The following ITGA11 variants were observed in gnomAD, a reference collection of about 807,000 sequenced individuals.
ITGA11 encodes the protein integrin alpha-11.
A neutral mutation model predicts 141.9 loss-of-function variants in ITGA11; 97 were observed. The observed-to-expected ratio is 0.68, with a 90% CI of 0.58 to 0.81. The LOEUF (loss-of-function observed/expected upper bound fraction) is 0.81. ITGA11 is among the 30% of genes least tolerant of loss of function. The probability of loss-of-function intolerance (pLI) is 0.00; values close to 1 mark genes in which losing one functional copy is unlikely to be tolerated. For missense variants in ITGA11, 1,387 were observed against 1,559.2 expected, an observed-to-expected ratio of 0.89 and a Z score of 1.86; for synonymous variants, 658 against 624.6, an observed-to-expected ratio of 1.05 and a Z score of -0.80.
At chr15:68,419,365 T>G (rs116445283) in intron 1 of ITGA11, among the ~76,000 whole-genome samples, 2,957 of 152,240 alleles carry the variant, frequency 0.019, 94 homozygotes, top group African/African-American at 0.064. Flanking sequence ...CCATGCAAAG[T>G]GGTGAGCCCC....
intron 2 of ITGA11, among the ~76,000 whole-genome samples, chr15:68,395,818 C>T (rs1232043004): frequency 6.9e-6 from 1 of 144,154 alleles, no homozygotes; most frequent in Non-Finnish European, 1.5e-5. Context: ...ACATGTATAC[C>T]TATATATCAA....
Position 68,303,024 on chromosome 15 carries a change from C to T in ITGA11, c.*35G>A. The stretch of plus-strand genomic sequence containing the variant: ...TCTCAACACTACCTGGACTGGTGTC[C>T]TGGCCCCCATCAACTCAAAGTCTCC... On this transcript the variant is annotated 3_prime_UTR_variant, in exon 30 of 30. Coordinates refer to ENST00000315757, the MANE Select transcript of ITGA11 (RefSeq NM_001004439.2). This position sits in a 1 kb window ranked among gnomAD's most constrained non-coding sequence, Gnocchi z 5.3. 2.6e-6 allele frequency: 4 copies of T among 1,518,836 alleles called. No individual in the cohort carries two copies. Among genetic ancestry groups the T allele is most frequent in the Non-Finnish European group, 3.6e-6 (4 of 1,121,606 alleles). 94.1% of individuals were successfully genotyped at this position (1,518,836 alleles called of 1,614,324 possible). A position where few individuals can be genotyped will look rare whatever the true frequency, so the allele number is the denominator to read the frequency against.
At chr15:68,402,088 G>A (rs566120616) in intron 2 of ITGA11, among the ~76,000 whole-genome samples, 7 of 151,864 alleles carry the variant, frequency 4.6e-5, no homozygotes, top group Non-Finnish European at 1.0e-4. Context: ...GGGTAGACAG[G>A]GGCCAGAGTG....
At position 68,308,955 on chromosome 15, in the gene ITGA11, T is replaced by C. The variant is rs536461238; in HGVS notation, c.3175-1259A>G. 2.5e-3 allele frequency among the ~76,000 whole-genome samples: 384 copies of C among 152,312 alleles called. 1 individual carries two copies. The highest frequency in any genetic ancestry group is 4.0e-3 in the Non-Finnish European group (272 of 68,032). Reference sequence around the variant, plus strand: ...GTTGGCTTAGTTTACATCATTCTGATTGAAAAATTAAAGTTGAGCAAAATT... The same window carrying C: ...GTTGGCTTAGTTTACATCATTCTGACTGAAAAATTAAAGTTGAGCAAAATT... On this transcript the variant is annotated intron_variant, in intron 26 of 29. Coordinates refer to ENST00000315757, the MANE Select transcript of ITGA11 (RefSeq NM_001004439.2). The surrounding 1 kb of genome is among the most constrained non-coding windows in gnomAD (Gnocchi z 5.2).
intron 1 of ITGA11, among the ~76,000 whole-genome samples, chr15:68,409,117 C>G (rs914187576): frequency 1.0e-4 from 15 of 147,462 alleles, no homozygotes; most frequent in African/African-American, 3.6e-4. Context: ...CGCTTTTGCC[C>G]ATGCTGTTCA....
At chr15:68,422,364 G>T (rs549558985) in intron 1 of ITGA11, among the ~76,000 whole-genome samples, 1 of 152,162 alleles carries the variant, frequency 6.6e-6, no homozygotes, top group Admixed American at 6.5e-5. Context: ...ACCGTCCTTG[G>T]TCTCCCAGAC....
chr15:68,366,745 C>T (rs984641208), intron 3 of ITGA11, among the ~76,000 whole-genome samples: 4 of 152,142 alleles, frequency 2.6e-5, no homozygotes, highest in Non-Finnish European at 5.9e-5. Flanking sequence ...GGGTGAGGGT[C>T]CCGGGCCCAG....
intron 26 of ITGA11, among the ~76,000 whole-genome samples, chr15:68,309,782 G>A (rs1893319607): frequency 1.3e-5 from 2 of 151,958 alleles, no homozygotes; most frequent in African/African-American, 4.8e-5. Flanking sequence ...GTAGAGATGA[G>A]GTTTCACTAT....
intron 1 of ITGA11, among the ~76,000 whole-genome samples, chr15:68,406,179 T>G (rs1202569952): frequency 6.6e-6 from 1 of 152,174 alleles, no homozygotes; most frequent in Non-Finnish European, 1.5e-5. Flanking sequence ...CAGTGCTTGT[T>G]GTGCAACCAT....
intron 1 of ITGA11, among the ~76,000 whole-genome samples, chr15:68,424,972 T>C (rs1427085102): frequency 1.3e-5 from 2 of 152,200 alleles, no homozygotes; most frequent in African/African-American, 4.8e-5. Flanking sequence ...TGTACATCAG[T>C]GTTTGGAATG....
At chr15:68,375,613 C>A (rs949413706) in intron 2 of ITGA11, among the ~76,000 whole-genome samples, 3 of 152,194 alleles carry the variant, frequency 2.0e-5, no homozygotes, top group Non-Finnish European at 4.4e-5. Flanking sequence ...TTCACCTTGG[C>A]TCACACATCT....
intron 1 of ITGA11, among the ~76,000 whole-genome samples, chr15:68,419,733 G>A (rs1190025580): frequency 6.6e-6 from 1 of 152,238 alleles, no homozygotes; most frequent in African/African-American, 2.4e-5. Flanking sequence ...AGTCTTGAGA[G>A]GTTTGGATTC....
chr15:68,306,924 TTC>T (rs1893219078), intron 28 of ITGA11, among the ~76,000 whole-genome samples: 1 of 152,248 alleles, frequency 6.6e-6, no homozygotes, highest in African/African-American at 2.4e-5. Context: ...ACAAATTTAT[TTC>T]TTTTCTTTTT....
chr15:68,320,109 T>TG (rs1893744697), intron 20 of ITGA11, 76 bp downstream of exon 20: 1 of 1,281,630 alleles, frequency 7.8e-7, no homozygotes, highest in South Asian at 1.2e-5. Flanking sequence ...TTCCAACATG[T>TG]AGCCAGGAGC....
In ITGA11 at chr15:68,307,699, G is replaced by C. The variant is rs995681477; in HGVS notation, c.3175-3C>G. On this transcript the variant is annotated splice_polypyrimidine_tract_variant and splice_region_variant and intron_variant, in intron 26 of 29. Transcript: ENST00000315757. This position sits in a 1 kb window ranked among gnomAD's most constrained non-coding sequence, Gnocchi z 6.1. ...ACGACATCAGAGTTGCTGTGATTCTGAAAGAGAAGATGGGTCTCAGGGCTG... is the reference window on the plus strand; with the variant it reads ...ACGACATCAGAGTTGCTGTGATTCTCAAAGAGAAGATGGGTCTCAGGGCTG... 2.5e-6 allele frequency: 4 copies of C among 1,607,256 alleles called. No individual in the cohort carries two copies. Among genetic ancestry groups the C allele is most frequent in the Non-Finnish European group, 3.4e-6 (4 of 1,174,116 alleles).
chr15:68,422,890 T>C (rs913449255), intron 1 of ITGA11, among the ~76,000 whole-genome samples: 11 of 152,206 alleles, frequency 7.2e-5, no homozygotes, highest in African/African-American at 2.7e-4. Context: ...CCTTGCATTG[T>C]AGTTATTTAT....
intron 10 of ITGA11, among the ~76,000 whole-genome samples, chr15:68,340,558 G>T (rs916236157): frequency 6.6e-6 from 1 of 152,144 alleles, no homozygotes; most frequent in African/African-American, 2.4e-5. Context: ...CTCCATGACA[G>T]CCAGCACCCA....
chr15:68,351,353 T>C lies in ITGA11; in HGVS notation c.799A>G (p.Ile267Val), dbSNP rs747428546. 2 of 1,613,964 alleles carry C rather than the reference T, an allele frequency of 1.2e-6. No homozygotes were observed. The highest frequency in any genetic ancestry group is 2.2e-5 in the East Asian group (1 of 44,874). The change falls in exon 8 of 30, where the codon ATT becomes GTT. Residue 267 changes from isoleucine to valine, a missense_variant. By Grantham distance (29) the Ile-to-Val change is conservative. Coordinates refer to ENST00000315757, the MANE Select transcript of ITGA11 (RefSeq NM_001004439.2). ...TGGGACTCCCCATCTGTGATGACAA[T>C]CATCACCTTCTTGGCTCCTTTCCTT... ...GGRKGAKKVM[I>V]VITDGESHDS...
At chr15:68,366,253 A>G (rs1257955307) in intron 3 of ITGA11, among the ~76,000 whole-genome samples, 2 of 151,886 alleles carry the variant, frequency 1.3e-5, no homozygotes, top group African/African-American at 4.8e-5. Context: ...CCCTTTCAGG[A>G]CCCCTCACGG....
Sources: gnomAD v4.1 joint callset for allele counts (sites outside exome capture counted in the v4.1 genomes callset) on GRCh38, gnomAD v4.1.1 for gene constraint, Gnocchi (gnomAD v3.1) non-coding constraint, MANE v1.5 for transcripts, NCBI Gene and HGNC (gene_info 2026-07-23, HGNC 2026-07-21) for gene names.